EXTL3: variants seen among roughly 807,000 people sequenced by gnomAD.
EXTL3 encodes the protein exostosin like glycosyltransferase 3.
Under a neutral mutation model 69.3 loss-of-function variants are expected in EXTL3, and 27 were observed. That is an observed-to-expected ratio of 0.39 (90% CI 0.29 to 0.54). The LOEUF (loss-of-function observed/expected upper bound fraction) is 0.54, where lower values mean the gene tolerates loss of function less well. EXTL3 is among the 20% of genes least tolerant of loss of function. EXTL3 has a pLI of 0.69. For synonymous variants in EXTL3, 511 were observed against 499.4 expected (o/e 1.02, Z -0.31); for missense variants, 1,003 against 1,231.8 (o/e 0.81, Z 2.78).
intron 2 of EXTL3, among the ~76,000 whole-genome samples, chr8:28,617,558 A>T: frequency 6.6e-6 from 1 of 152,096 alleles, no homozygotes; most frequent in Admixed American, 6.6e-5. Context: ...AGGTGGGTGG[A>T]TTGCTGGTGG....
At chr8:28,701,990 A>C (rs1034298195) in intron 1 of EXTL3, among the ~76,000 whole-genome samples, 8 of 143,972 alleles carry the variant, frequency 5.6e-5, no homozygotes, top group Non-Finnish European at 9.1e-5. Flanking sequence ...ACCCGCCTCC[A>C]CCTTTTTTTG....
At chr8:28,700,954 C>T (rs1800773037), upstream of EXTL3, 1 of 152,300 alleles carries the variant, frequency 6.6e-6, no homozygotes, top group Non-Finnish European at 1.5e-5. Context: ...GATCATCCCA[C>T]ACGACTAGAT....
rs148404093 is a variant in EXTL3, at chr8:28,737,582, C to T, written c.2340C>T (p.Ile780=). Residue 780 remains isoleucine, a synonymous_variant, in exon 5 of 7, where the codon ATC becomes ATT. Transcript: ENST00000220562. ...CTGGCCGTTACCACGCATGGGACAT[C>T]CCCCATCAGTCCTGGCTCTACAACT... ...GFPGRYHAWD[I]PHQSWLYNSN... is the part of the protein sequence containing the mutation. 5.2e-4 allele frequency: 841 copies of T among 1,614,032 alleles called. No homozygotes were observed. Among genetic ancestry groups the T allele is most frequent in the Non-Finnish European group, 6.8e-4 (797 of 1,179,886 alleles).
intron 3 of EXTL3, among the ~76,000 whole-genome samples, chr8:28,722,096 C>T (rs1427682484): frequency 3.3e-5 from 5 of 152,062 alleles, no homozygotes; most frequent in African/African-American, 4.8e-5. Context: ...CTGAATGAAG[C>T]GAGAGAGGAG....
At chr8:28,666,637 G>A (rs1807201751) in intron 1 of EXTL3, among the ~76,000 whole-genome samples, 2 of 151,958 alleles carry the variant, frequency 1.3e-5, no homozygotes, top group African/African-American at 4.8e-5. Context: ...GTGCAGTGGC[G>A]TGATCTTGGC....
At chr8:28,709,031 G>C (rs1800978299) in intron 1 of EXTL3, among the ~76,000 whole-genome samples, 1 of 152,158 alleles carries the variant, frequency 6.6e-6, no homozygotes, top group Non-Finnish European at 1.5e-5. Flanking sequence ...CACATGATAG[G>C]CATGTGTGTG....
At chr8:28,669,935 G>A (rs1314235673) in intron 1 of EXTL3, among the ~76,000 whole-genome samples, 1 of 152,000 alleles carries the variant, frequency 6.6e-6, no homozygotes, top group Non-Finnish European at 1.5e-5. Flanking sequence ...GAGGCCGGGT[G>A]CAGTGGCTTA....
chr8:28,658,285 G>A (rs935404484), intron 1 of EXTL3, among the ~76,000 whole-genome samples: 2 of 152,124 alleles, frequency 1.3e-5, no homozygotes, highest in Admixed American at 6.5e-5. Context: ...TCTCTTAATT[G>A]TTTTGAGTAG....
At chr8:28,687,438 C>A (rs1807595765) in intron 1 of EXTL3, among the ~76,000 whole-genome samples, 1 of 152,088 alleles carries the variant, frequency 6.6e-6, no homozygotes, top group Non-Finnish European at 1.5e-5. Flanking sequence ...TGCACTCCAG[C>A]CTGGGCAACA....
intron 1 of EXTL3, among the ~76,000 whole-genome samples, chr8:28,677,933 C>A (rs1807414826): frequency 1.3e-5 from 2 of 152,198 alleles, no homozygotes; most frequent in South Asian, 4.1e-4. Flanking sequence ...CTTTTGAGTC[C>A]TGAACCAAAT....
chr8:28,610,352 A>G (rs995994728), intron 2 of EXTL3, among the ~76,000 whole-genome samples: 3 of 152,098 alleles, frequency 2.0e-5, no homozygotes, highest in African/African-American at 7.2e-5. Context: ...CTCTTTGTTA[A>G]CAGATTGTTA....
chr8:28,710,790 G>T (rs7350137), intron 1 of EXTL3, among the ~76,000 whole-genome samples: 1 of 151,402 alleles, frequency 6.6e-6, no homozygotes, highest in East Asian at 1.9e-4. Flanking sequence ...TCTCCCCTCA[G>T]CCTTCTGGAG....
At chr8:28,630,944 G>T (rs922378241) in intron 1 of EXTL3, among the ~76,000 whole-genome samples, 1 of 152,228 alleles carries the variant, frequency 6.6e-6, no homozygotes, top group African/African-American at 2.4e-5. Context: ...GAGACTAGCT[G>T]TTTTTAAAAT....
intron 3 of EXTL3, among the ~76,000 whole-genome samples, chr8:28,720,271 T>G (rs1801268096): frequency 6.6e-6 from 1 of 152,322 alleles, no homozygotes; most frequent in South Asian, 2.1e-4. Context: ...CTTCTAGATG[T>G]AGACGTAGCC....
chr8:28,643,519 A>G (rs190081094), intron 1 of EXTL3, among the ~76,000 whole-genome samples: 1 of 148,958 alleles, frequency 6.7e-6, no homozygotes, highest in African/African-American at 2.5e-5. Context: ...GGTTTACGCC[A>G]TTCTCCTGCC....
intron 2 of EXTL3, among the ~76,000 whole-genome samples, chr8:28,616,544 G>A (rs1344161829): frequency 3.3e-5 from 5 of 151,928 alleles, no homozygotes; most frequent in African/African-American, 4.8e-5. Flanking sequence ...GGAGAATGGC[G>A]TGAACCTGGG....
chr8:28,658,934 A>G (rs946927121), intron 1 of EXTL3, among the ~76,000 whole-genome samples: 2 of 152,232 alleles, frequency 1.3e-5, no homozygotes, highest in Non-Finnish European at 2.9e-5. Context: ...ATGTAGCACA[A>G]TGTATTTCAT....
intron 5 of EXTL3, chr8:28,742,251 T>G (rs1469086620): frequency 6.6e-6 from 1 of 152,208 alleles, no homozygotes; most frequent in African/African-American, 2.4e-5. Flanking sequence ...TTTATTTAAT[T>G]TGAAGTTTAT....
At chr8:28,673,107 A>G (rs1807324568) in intron 1 of EXTL3, among the ~76,000 whole-genome samples, 1 of 152,202 alleles carries the variant, frequency 6.6e-6, no homozygotes, top group African/African-American at 2.4e-5. Context: ...AGTCTTGGGT[A>G]TGTCTTTATC....
Sources: gnomAD v4.1 joint callset for allele counts (sites outside exome capture counted in the v4.1 genomes callset) on GRCh38, gnomAD v4.1.1 for gene constraint, MANE v1.5 for transcripts, NCBI Gene and HGNC (gene_info 2026-07-23, HGNC 2026-07-21) for gene names.